The following PSMG4 variants were observed in gnomAD, a reference collection of about 807,000 sequenced individuals.
The protein encoded by PSMG4 is proteasome (prosome, macropain) assembly chaperone 4.
PSMG4 carries 10 observed loss-of-function variants against 11.0 expected under a neutral mutation model. That is an observed-to-expected ratio of 0.91 (90% CI 0.56 to 1.54). The LOEUF is 1.54. PSMG4 is among the 40% of genes most tolerant of loss of function. PSMG4 has a pLI of 0.00. For synonymous variants in PSMG4, 95 were observed against 71.3 expected, an observed-to-expected ratio of 1.33 and a Z score of -1.68; for missense variants, 198 against 160.9, an observed-to-expected ratio of 1.23 and a Z score of -1.25.
intron 1 of PSMG4, among the ~76,000 whole-genome samples, chr6:3,260,293 T>TATATATATATA (rs1561840992): frequency 2.2e-5 from 2 of 89,716 alleles, no homozygotes; most frequent in East Asian, 4.1e-4. Flanking sequence ...ATATATATAT[T>TATATATATATA]TTTTTTTTTT....
upstream of PSMG4, among the ~76,000 whole-genome samples, chr6:3,254,421 G>A (rs561450442): frequency 6.0e-5 from 9 of 150,290 alleles, no homozygotes; most frequent in East Asian, 9.8e-4. Flanking sequence ...CATCTGAGGA[G>A]GTATGGCTTT....
chr6:3,264,269 G>A (rs1354034271), intron 2 of PSMG4: 41 of 1,551,302 alleles, frequency 2.6e-5, no homozygotes, highest in Non-Finnish European at 3.5e-5. Context: ...TTAAGCAAAG[G>A]TCATGAGGCT....
At chr6:3,261,142 G>A (rs1239958134) in intron 1 of PSMG4, among the ~76,000 whole-genome samples, 1 of 152,236 alleles carries the variant, frequency 6.6e-6, no homozygotes, top group Non-Finnish European at 1.5e-5. Flanking sequence ...GGAAGTCATG[G>A]GTGAGCCTCT....
chr6:3,268,021 A>G lies in PSMG4; in HGVS notation c.*309A>G. 2 of 224,480 alleles carry G rather than the reference A, an allele frequency of 8.9e-6. No individual in the cohort carries two copies. Among genetic ancestry groups the G allele is most frequent in the Non-Finnish European group, 1.8e-5 (2 of 110,922 alleles). The allele number at this position is 224,480 out of a possible 1,614,324, so 13.9% of individuals were successfully genotyped here. On this transcript the variant is annotated 3_prime_UTR_variant, in exon 3 of 3. Coordinates refer to ENST00000438998, the MANE Select transcript of PSMG4 (RefSeq NM_001128591.2). ...AGACATGACTGTGACGTGCATCCTC[A>G]ATTAGAATTAAAGTGATGTATAAAT...
At chr6:3,264,085 A>G (rs772196317) in intron 2 of PSMG4, 138 of 1,481,008 alleles carry the variant, frequency 9.3e-5, no homozygotes, top group Non-Finnish European at 1.2e-4. Context: ...AGAAGTGCCC[A>G]CAGCCCCTGT....
chr6:3,267,356 C>G (rs561757569), intron 2 of PSMG4: 4 of 346,168 alleles, frequency 1.2e-5, no homozygotes, highest in South Asian at 1.1e-4. Context: ...AGGGAGGCTG[C>G]TGAGGTGGGG....
upstream of PSMG4, among the ~76,000 whole-genome samples, chr6:3,255,489 C>T (rs900428117): frequency 6.6e-6 from 1 of 152,156 alleles, no homozygotes; most frequent in Non-Finnish European, 1.5e-5. Context: ...CCCAAAGGTA[C>T]CTAAACTGCC....
chr6:3,260,739 G>A (rs940818368), intron 1 of PSMG4, among the ~76,000 whole-genome samples: 1 of 152,182 alleles, frequency 6.6e-6, no homozygotes, highest in African/African-American at 2.4e-5. Flanking sequence ...TTTTTGGGGA[G>A]ACACAATTCA....
chr6:3,258,573 T>C (rs1165708156), upstream of PSMG4, among the ~76,000 whole-genome samples: 1 of 152,084 alleles, frequency 6.6e-6, no homozygotes, highest in Non-Finnish European at 1.5e-5. Context: ...ATTAAATTAA[T>C]GTCTGTAGGG....
Position 3,263,726 on chromosome 6 carries a change from G to A in PSMG4, c.217G>A (p.Asp73Asn), listed in dbSNP as rs1442459703. ...VSTSLLGDTS[D>N]TTSTGLAQRL... ...TACCTCCCTCCTTGGAGACACTTCC[G>A]ACACGACCTCTACTGGCCTTGCCCA... Residue 73 changes from aspartate (D) to asparagine (N), a missense_variant, in exon 2 of 3, where the codon GAC becomes AAC. Asp to Asn is a conservative substitution (Grantham distance 23). Coordinates refer to ENST00000438998, the MANE Select transcript of PSMG4 (RefSeq NM_001128591.2). 7 of 1,551,102 alleles carry A rather than the reference G, an allele frequency of 4.5e-6. No individual in the cohort carries two copies. Among genetic ancestry groups the A allele is most frequent in the Middle Eastern group, 1.7e-4 (1 of 5,990 alleles).
chr6:3,255,018 T>G (rs1360283246), upstream of PSMG4: 24 of 1,547,364 alleles, frequency 1.6e-5, no homozygotes, highest in Non-Finnish European at 2.1e-5. Flanking sequence ...GTGGGAGCGC[T>G]GGGATAATGG....
chr6:3,255,485 G>A (rs572523961), upstream of PSMG4, among the ~76,000 whole-genome samples: 85 of 152,218 alleles, frequency 5.6e-4, no homozygotes, highest in Non-Finnish European at 9.6e-4. Flanking sequence ...TCTCCCCAAA[G>A]GTACCTAAAC....
chr6:3,256,989 A>C (rs1222494707), upstream of PSMG4, among the ~76,000 whole-genome samples: 1 of 152,198 alleles, frequency 6.6e-6, no homozygotes, highest in Non-Finnish European at 1.5e-5. Flanking sequence ...ACAGGGTCAG[A>C]GCACAGGTGG....
chr6:3,259,765 A>G (rs1326504515), intron 1 of PSMG4, among the ~76,000 whole-genome samples: 4 of 152,056 alleles, frequency 2.6e-5, no homozygotes, highest in African/African-American at 9.7e-5. Flanking sequence ...GTCAAAGCAG[A>G]CAAAACCCAA....
intron 1 of PSMG4, among the ~76,000 whole-genome samples, chr6:3,262,891 GCTGGTCTCAAACTC>G (rs1758046840): frequency 6.6e-6 from 1 of 151,282 alleles, no homozygotes; most frequent in Admixed American, 6.6e-5. Flanking sequence ...CATTGTCCAG[GCTGGTCTCAAACTC>G]CTGGTCTCAA....
At chr6:3,256,646 T>C (rs1757776466), upstream of PSMG4, among the ~76,000 whole-genome samples, 1 of 152,174 alleles carries the variant, frequency 6.6e-6, no homozygotes, top group Admixed American at 6.5e-5. Flanking sequence ...GACCATCCAT[T>C]CTTGATTTCT....
Position 3,258,967 on chromosome 6 carries a change from G to T in PSMG4, c.-56G>T, listed in dbSNP as rs941551803. The T allele has an allele frequency of 1.1e-5, 14 of 1,231,348 alleles. No homozygotes were observed. Among genetic ancestry groups the T allele is most frequent in the Non-Finnish European group, 1.4e-5 (14 of 984,960 alleles). The allele number at this position is 1,231,348 out of a possible 1,614,324, so 76.3% of individuals were successfully genotyped here. A position where few individuals can be genotyped will look rare whatever the true frequency, so the allele number is the denominator to read the frequency against. On this transcript the variant is annotated 5_prime_UTR_variant, in exon 1 of 3. Coordinates refer to ENST00000438998, the MANE Select transcript of PSMG4 (RefSeq NM_001128591.2). ...TGCTCGCTCCATCGGGTCTGGCGGG[G>T]CTGGCAGCGGCGAGGACCCGGGTCT...
At chr6:3,254,480 T>TGC (rs1757666093), upstream of PSMG4, among the ~76,000 whole-genome samples, 1 of 152,016 alleles carries the variant, frequency 6.6e-6, no homozygotes, top group African/African-American at 2.4e-5. Context: ...TAGATAAATA[T>TGC]TGTTGCTGGT....
At chr6:3,267,517 TGCACGTGGCTGTGAGGA>T (rs1279472170) in intron 2 of PSMG4, 57 bp from the exon 3 acceptor site, 128 of 1,508,040 alleles carry the variant, frequency 8.5e-5, no homozygotes, top group Admixed American at 2.1e-4. Context: ...ATTTCCCAGC[TGCACGTGGCTGTGAGGA>T]ACACGGGGCC....
Sources: allele counts gnomAD v4.1 joint callset (sites outside exome capture counted in the v4.1 genomes callset), GRCh38; gene constraint gnomAD v4.1.1; transcripts MANE v1.5; gene names NCBI Gene and HGNC (gene_info 2026-07-23, HGNC 2026-07-21).